Variants in SLC38A6 observed in about 807,000 individuals in gnomAD.
The protein encoded by SLC38A6 is N system amino acid transporter NAT-1.
A neutral mutation model predicts 65.0 loss-of-function variants in SLC38A6; 73 were observed. The ratio of observed to expected loss-of-function variants is 1.12; its 90% confidence interval spans 0.93 to 1.37. The LOEUF (loss-of-function observed/expected upper bound fraction) is 1.37. Among genes scored for constraint, SLC38A6 ranks in the 40% most tolerant of loss-of-function variants. SLC38A6 has a pLI of 0.00. For synonymous variants in SLC38A6, 183 were observed against 178.8 expected, an observed-to-expected ratio of 1.02 and a Z score of -0.19; for missense variants, 561 against 531.1, an observed-to-expected ratio of 1.06 and a Z score of -0.55.
At position 61,027,842 on chromosome 14, in the gene SLC38A6, G is replaced by A. The variant is rs138042672; in HGVS notation, c.404-2603G>A. 1.4e-3 allele frequency among the ~76,000 whole-genome samples: 210 copies of A among 152,016 alleles called. 3 individuals carry two copies. The East Asian group carries it at 0.031, about 23-fold the overall frequency. On this transcript the variant is annotated intron_variant, in intron 5 of 15. Coordinates refer to ENST00000267488, the MANE Select transcript of SLC38A6 (RefSeq NM_153811.3). ...GGCCTTTGTTTTACTGGCTTAATCC[G>A]TGTGGGTTTTCCCCTATAGTAAGTT...
In SLC38A6 at chr14:61,013,048, C is replaced by G. The variant is rs2039702046; in HGVS notation, c.311-2856C>G. Among the ~76,000 whole-genome samples, 4 of 152,246 alleles carry G rather than the reference C, an allele frequency of 2.6e-5. No homozygotes were observed. In the South Asian group the frequency reaches 8.3e-4, roughly 32 times the overall value. ...CTCTTTGTAGGTCTCTAAGGACTTG[C>G]TTTATGAATCTGGGTGCTCCTGTAT... On this transcript the variant is annotated intron_variant, in intron 3 of 15. Coordinates refer to ENST00000267488, the MANE Select transcript of SLC38A6 (RefSeq NM_153811.3).
chr14:60,992,921 G>T (rs544584006), intron 3 of SLC38A6, among the ~76,000 whole-genome samples: 1 of 150,518 alleles, frequency 6.6e-6, no homozygotes, highest in Middle Eastern at 3.4e-3. Context: ...ATCTTTGCTC[G>T]CTGCAACCTC....
chr14:60,995,140 G>A (rs2038195545), intron 3 of SLC38A6, among the ~76,000 whole-genome samples: 1 of 152,096 alleles, frequency 6.6e-6, no homozygotes, highest in Admixed American at 6.5e-5. Context: ...TATACCCAAA[G>A]GAAATGAAAT....
At chr14:61,071,938 A>G (rs1001363176) in intron 15 of SLC38A6, among the ~76,000 whole-genome samples, 52 of 152,270 alleles carry the variant, frequency 3.4e-4, no homozygotes, top group African/African-American at 1.1e-3. Flanking sequence ...GTTTCTGATG[A>G]GTCCCATGTG....
intron 3 of SLC38A6, among the ~76,000 whole-genome samples, chr14:60,990,833 G>A (rs1025979399): frequency 3.3e-5 from 5 of 152,002 alleles, no homozygotes; most frequent in African/African-American, 1.2e-4. Flanking sequence ...GGCTATGTGC[G>A]TCACCACACC....
chr14:61,008,516 T>C (rs916335624), intron 3 of SLC38A6, among the ~76,000 whole-genome samples: 2 of 152,204 alleles, frequency 1.3e-5, no homozygotes, highest in African/African-American at 4.8e-5. Flanking sequence ...ATAAAAGATA[T>C]GTATTGCTGT....
chr14:60,998,697 C>T lies in SLC38A6; in HGVS notation c.310+13894C>T, dbSNP rs559118905. Reference sequence around the variant, plus strand: ...GAGCACTGTAGCATGCCCACTGGGGCTTCAGGAGTTGCAGGCATGTATTCC... The same window carrying T: ...GAGCACTGTAGCATGCCCACTGGGGTTTCAGGAGTTGCAGGCATGTATTCC... On this transcript the variant is annotated intron_variant, in intron 3 of 15. Transcript: ENST00000267488. Among the ~76,000 whole-genome samples the T allele has an allele frequency of 2.0e-5, 3 of 152,320 alleles. No individual in the cohort carries two copies. The South Asian group carries it at 6.2e-4, about 32-fold the overall frequency.
At chr14:61,003,076 A>G (rs963853071) in intron 3 of SLC38A6, among the ~76,000 whole-genome samples, 3 of 152,194 alleles carry the variant, frequency 2.0e-5, no homozygotes, top group Non-Finnish European at 4.4e-5. Flanking sequence ...ACTAAACACC[A>G]GAGAAAATTA....
intron 3 of SLC38A6, chr14:60,987,726 T>C (rs1436538621): frequency 6.6e-6 from 1 of 152,346 alleles, no homozygotes; most frequent in African/African-American, 2.4e-5. Context: ...ATACTTCTCA[T>C]GCTCTGATAC....
intron 3 of SLC38A6, among the ~76,000 whole-genome samples, chr14:60,988,931 G>A (rs1382743434): frequency 1.3e-5 from 2 of 152,148 alleles, no homozygotes; most frequent in Admixed American, 1.3e-4. Flanking sequence ...ATAATTCAAC[G>A]TCTAGTGTAC....
At chr14:61,019,477 T>A in intron 4 of SLC38A6, 64 bp from the exon 5 acceptor site, 1 of 1,553,156 alleles carries the variant, frequency 6.4e-7, no homozygotes, top group Non-Finnish European at 8.8e-7. Flanking sequence ...TGGATTTTAA[T>A]AAAATACTGA....
chr14:61,004,921 G>C (rs559983803), intron 3 of SLC38A6, among the ~76,000 whole-genome samples: 9 of 152,072 alleles, frequency 5.9e-5, no homozygotes, highest in African/African-American at 9.6e-5. Context: ...TGATGAACAT[G>C]GATGCAAAAA....
In SLC38A6 at chr14:61,050,602, C is replaced by G; in HGVS notation, c.1016C>G (p.Ala339Gly). The G allele has an allele frequency of 6.3e-7, 1 of 1,597,536 alleles. No individual in the cohort carries two copies. Among genetic ancestry groups the G allele is most frequent in the East Asian group, 2.2e-5 (1 of 44,550 alleles). ...ACTGTGAAGTTATGCATACTATTTG[C>G]TGTGCTTTTGACAGTCCCTCTAATC... ...VMTVKLCILF[A>G]VLLTVPLIHF... The change falls in exon 13 of 16, where the codon GCT becomes GGT. Residue 339 changes from alanine (A) to glycine (G), a missense_variant. Coordinates refer to ENST00000267488, the MANE Select transcript of SLC38A6 (RefSeq NM_153811.3).
intron 3 of SLC38A6, among the ~76,000 whole-genome samples, chr14:60,991,320 G>T (rs2037864071): frequency 6.6e-6 from 1 of 152,016 alleles, no homozygotes; most frequent in African/African-American, 2.4e-5. Flanking sequence ...TTTATCTTAT[G>T]TAACATATAC....
intron 3 of SLC38A6, among the ~76,000 whole-genome samples, chr14:61,011,986 A>G (rs940346637): frequency 6.6e-6 from 1 of 152,064 alleles, no homozygotes; most frequent in African/African-American, 2.4e-5. Flanking sequence ...ACCTCTGGTA[A>G]AATTCGGCTG....
chr14:60,982,454 A>G (rs1214844537), intron 1 of SLC38A6, 54 bp from the exon 2 acceptor site: 1 of 1,577,606 alleles, frequency 6.3e-7, no homozygotes, highest in Admixed American at 1.9e-5. Flanking sequence ...TTCTTTACGA[A>G]ATTTTAACTT....
intron 15 of SLC38A6, among the ~76,000 whole-genome samples, chr14:61,063,956 C>T (rs572238131): frequency 6.6e-6 from 1 of 152,348 alleles, no homozygotes; most frequent in South Asian, 2.1e-4. Flanking sequence ...CCCCTTTGTC[C>T]ATTCCCTTAT....
intron 15 of SLC38A6, among the ~76,000 whole-genome samples, chr14:61,070,170 A>G (rs1430405717): frequency 6.6e-6 from 1 of 152,216 alleles, no homozygotes; most frequent in Non-Finnish European, 1.5e-5. Flanking sequence ...TTCATCCGGC[A>G]TGACTAAAAC....
At chr14:61,047,974 GATACATACATACATACATAC>G (rs201975441) in intron 12 of SLC38A6, among the ~76,000 whole-genome samples, 130 of 77,126 alleles carry the variant, frequency 1.7e-3, no homozygotes, top group African/African-American at 4.7e-3. Context: ...TAGATAGATA[GATACATACATACATACATAC>G]ATACATACAT....
Sources: allele counts gnomAD v4.1 joint callset (sites outside exome capture counted in the v4.1 genomes callset), GRCh38; gene constraint gnomAD v4.1.1; transcripts MANE v1.5; gene names NCBI Gene and HGNC (gene_info 2026-07-23, HGNC 2026-07-21).